Variants in LRRC49 observed in about 807,000 individuals in gnomAD.
The protein encoded by LRRC49 is leucine rich repeat containing 49.
Under a neutral mutation model 83.3 loss-of-function variants are expected in LRRC49, and 50 were observed. The observed-to-expected ratio is 0.60, with a 90% CI of 0.48 to 0.76. The LOEUF (loss-of-function observed/expected upper bound fraction) is 0.76. Among genes scored for constraint, LRRC49 ranks in the 30% least tolerant of loss-of-function variants. The pLI, the probability that LRRC49 is intolerant of heterozygous loss-of-function variation, is 0.00. For missense variants in LRRC49, 704 were observed against 809.1 expected (o/e 0.87, Z 1.58); for synonymous variants, 286 against 283.3 (o/e 1.01, Z -0.10).
At chr15:70,929,617 G>C (rs1012324104) in intron 7 of LRRC49, among the ~76,000 whole-genome samples, 1 of 152,134 alleles carries the variant, frequency 6.6e-6, no homozygotes, top group Non-Finnish European at 1.5e-5. Flanking sequence ...AGATTTCTCT[G>C]TAGCATGAGA....
intron 8 of LRRC49, among the ~76,000 whole-genome samples, chr15:70,946,943 T>G (rs1020436770): frequency 1.3e-5 from 2 of 152,152 alleles, no homozygotes; most frequent in Non-Finnish European, 2.9e-5. Context: ...TAAAAAGAAA[T>G]AGACAATGTC....
chr15:71,004,473 A>G (rs556491881), intron 11 of LRRC49, among the ~76,000 whole-genome samples: 1 of 152,020 alleles, frequency 6.6e-6, no homozygotes, highest in Non-Finnish European at 1.5e-5. Context: ...AACATGGTGA[A>G]ACCCCGTCTC....
chr15:70,936,552 G>A (rs755800752), intron 7 of LRRC49: 22 of 468,144 alleles, frequency 4.7e-5, no homozygotes, highest in Non-Finnish European at 7.6e-5. Flanking sequence ...TTTACCTTGC[G>A]AGTGGTGCAG....
chr15:71,003,628 A>G (rs1263807895), intron 11 of LRRC49, among the ~76,000 whole-genome samples: 1 of 152,200 alleles, frequency 6.6e-6, no homozygotes, highest in Admixed American at 6.5e-5. Context: ...TATTAATAAT[A>G]ATCATGAAAA....
rs200800191 is a variant in LRRC49 at position 70,878,127 on chromosome 15, C to T, written c.18+4904C>T. ...TCACGCCACTGCACTCCAGCCTGGG[C>T]GACAGAGTGAGACTCTGTCTCAAAA... is the stretch of plus-strand genomic sequence containing the variant. On this transcript the variant is annotated intron_variant, in intron 2 of 16. Transcript: ENST00000544974. Among the ~76,000 whole-genome samples the T allele has an allele frequency of 1.2e-4, 18 of 152,048 alleles. No homozygotes were observed. The South Asian group carries it at 2.7e-3, about 23-fold the overall frequency.
intron 11 of LRRC49, among the ~76,000 whole-genome samples, chr15:70,998,673 T>C (rs1485173411): frequency 6.6e-6 from 1 of 152,072 alleles, no homozygotes; most frequent in Non-Finnish European, 1.5e-5. Flanking sequence ...TATGAGTTTA[T>C]CCTAGTCAGA....
chr15:71,050,463 C>G lies in LRRC49; in HGVS notation c.*851C>G, dbSNP rs540885030. ...TGAAGGGTTCTAATTTTTAAAATTT[C>G]ATTTGAAGATCAAATTCATGCTGGT... On this transcript the variant is annotated 3_prime_UTR_variant, in exon 16 of 16. Coordinates refer to ENST00000260382, the MANE Select transcript of LRRC49 (RefSeq NM_017691.5). 6.6e-6 allele frequency: 1 copy of G among 152,282 alleles called. No homozygotes were observed. Among genetic ancestry groups the G allele is most frequent in the South Asian group, 2.1e-4 (1 of 4,818 alleles). The allele number at this position is 152,282 out of a possible 1,614,324, so 9.4% of individuals were successfully genotyped here.
chr15:70,888,832 T>A (rs1048437949), upstream of LRRC49, among the ~76,000 whole-genome samples: 25 of 152,102 alleles, frequency 1.6e-4, no homozygotes, highest in Admixed American at 6.5e-5. Flanking sequence ...TACCTAAATA[T>A]CCAATTAATA....
At chr15:71,004,826 A>T (rs1199888458) in intron 11 of LRRC49, among the ~76,000 whole-genome samples, 2 of 152,160 alleles carry the variant, frequency 1.3e-5, no homozygotes, top group Non-Finnish European at 2.9e-5. Context: ...GCTCTTATTT[A>T]TAAGCAGGAG....
chr15:70,894,539 A>G (rs1246974609), intron 2 of LRRC49: 1 of 850,660 alleles, frequency 1.2e-6, no homozygotes, highest in Non-Finnish European at 1.6e-6. Context: ...TTTGAGATAA[A>G]CATGTTTTTC....
intron 8 of LRRC49, among the ~76,000 whole-genome samples, chr15:70,953,956 G>A (rs967383623): frequency 2.4e-4 from 36 of 151,918 alleles, no homozygotes; most frequent in African/African-American, 6.8e-4. Context: ...GTGCAGTGGC[G>A]TGATCTTGGC....
At chr15:71,031,417 A>T (rs1439220992) in intron 14 of LRRC49, among the ~76,000 whole-genome samples, 1 of 152,174 alleles carries the variant, frequency 6.6e-6, no homozygotes, top group Non-Finnish European at 1.5e-5. Context: ...ACTCTTCTGT[A>T]TGAGGTGTCT....
At chr15:71,027,380 G>A (rs1377137432) in intron 14 of LRRC49, among the ~76,000 whole-genome samples, 1 of 152,154 alleles carries the variant, frequency 6.6e-6, no homozygotes, top group Non-Finnish European at 1.5e-5. Flanking sequence ...GTAGCGTGAT[G>A]CCTCCAGCTT....
At chr15:70,966,051 A>G (rs2036782908) in intron 9 of LRRC49, among the ~76,000 whole-genome samples, 1 of 152,166 alleles carries the variant, frequency 6.6e-6, no homozygotes, top group South Asian at 2.1e-4. Flanking sequence ...AGAGTCAAGT[A>G]GTTGCTATGG....
intron 8 of LRRC49, among the ~76,000 whole-genome samples, chr15:70,959,655 G>A (rs12915799): frequency 6.6e-6 from 1 of 151,380 alleles, no homozygotes; most frequent in African/African-American, 2.4e-5. Context: ...TCAACAATTG[G>A]ATTCTAAAGT....
chr15:70,993,873 C>G (rs967457541), intron 11 of LRRC49, among the ~76,000 whole-genome samples: 1 of 152,130 alleles, frequency 6.6e-6, no homozygotes. Context: ...GAGATGGAGT[C>G]TCGCTGTGTC....
intron 2 of LRRC49, among the ~76,000 whole-genome samples, chr15:70,879,339 G>A (rs2033214855): frequency 6.6e-6 from 1 of 152,114 alleles, no homozygotes; most frequent in African/African-American, 2.4e-5. Context: ...TCATCTTGGG[G>A]TTGGTTTCTA....
At chr15:70,981,720 C>T (rs564411098) in intron 10 of LRRC49, among the ~76,000 whole-genome samples, 1 of 152,104 alleles carries the variant, frequency 6.6e-6, no homozygotes, top group African/African-American at 2.4e-5. Flanking sequence ...TTGGCACCTT[C>T]TAAAATATTT....
At chr15:70,877,773 T>G (rs2033181756) in intron 2 of LRRC49, among the ~76,000 whole-genome samples, 1 of 152,230 alleles carries the variant, frequency 6.6e-6, no homozygotes, top group South Asian at 2.1e-4. Context: ...TGTAGTATTT[T>G]GTATTACTAC....
Sources: allele counts gnomAD v4.1 joint callset (sites outside exome capture counted in the v4.1 genomes callset), GRCh38; gene constraint gnomAD v4.1.1; transcripts MANE v1.5; gene names NCBI Gene and HGNC (gene_info 2026-07-23, HGNC 2026-07-21).